UBE3C: variants seen among roughly 807,000 people sequenced by gnomAD.
UBE3C encodes ubiquitin protein ligase E3C, also known as ubiquitin-protein ligase E3C.
In UBE3C, 42 loss-of-function variants were observed where a neutral mutation model predicts 129.4. The observed-to-expected ratio is 0.32, with a 90% CI of 0.25 to 0.42. The LOEUF (loss-of-function observed/expected upper bound fraction) is 0.42, where lower values mean the gene tolerates loss of function less well. Among genes scored for constraint, UBE3C ranks in the 10% least tolerant of loss-of-function variants. The probability of loss-of-function intolerance (pLI) is 1.00; values close to 1 mark genes in which losing one functional copy is unlikely to be tolerated. For missense variants in UBE3C, 1,049 were observed against 1,319.1 expected, an observed-to-expected ratio of 0.80 and a Z score of 3.17; for synonymous variants, 510 against 492.4, an observed-to-expected ratio of 1.04 and a Z score of -0.47.
At chr7:157,243,873 G>T (rs1232576599) in intron 18 of UBE3C, among the ~76,000 whole-genome samples, 1 of 152,116 alleles carries the variant, frequency 6.6e-6, no homozygotes, top group Non-Finnish European at 1.5e-5. Context: ...ACATATAGTT[G>T]GCACTTAATA....
intron 22 of UBE3C, among the ~76,000 whole-genome samples, chr7:157,260,892 G>T (rs1030012785): frequency 6.6e-6 from 1 of 152,222 alleles, no homozygotes; most frequent in Non-Finnish European, 1.5e-5. Flanking sequence ...GCCTAGGAGT[G>T]CGAGAGCCTT....
chr7:157,225,505 T>C lies in UBE3C; in HGVS notation c.2199T>C (p.Tyr733=), dbSNP rs1302558876. 1 of 1,598,624 alleles carries C rather than the reference T, an allele frequency of 6.3e-7. No individual in the cohort carries two copies. Among genetic ancestry groups the C allele is most frequent in the South Asian group, 1.1e-5 (1 of 87,848 alleles). ...INVTIRRNYI[Y]EDAYDKLSPE... ...TCACAATAAGAAGAAATTACATTTATGAAGATGCTTATGACAAACTTTCTC... is the reference window on the plus strand; with the variant it reads ...TCACAATAAGAAGAAATTACATTTACGAAGATGCTTATGACAAACTTTCTC... Residue 733 remains tyrosine (Y), a synonymous_variant, in exon 17 of 23, where the codon TAT becomes TAC. Coordinates refer to ENST00000348165, the MANE Select transcript of UBE3C (RefSeq NM_014671.3).
At chr7:157,193,125 G>A (rs1809019865) in intron 10 of UBE3C, among the ~76,000 whole-genome samples, 1 of 152,184 alleles carries the variant, frequency 6.6e-6, no homozygotes, top group South Asian at 2.1e-4. Flanking sequence ...GCAATTTTTA[G>A]CAGCTTGTCT....
At chr7:157,153,247 G>A (rs1292195281) in intron 1 of UBE3C, among the ~76,000 whole-genome samples, 1 of 152,108 alleles carries the variant, frequency 6.6e-6, no homozygotes, top group Non-Finnish European at 1.5e-5. Context: ...TTATTTTAGA[G>A]CTGTGTGAGC....
At chr7:157,250,486 T>C (rs1309052941) in intron 19 of UBE3C, among the ~76,000 whole-genome samples, 2 of 151,644 alleles carry the variant, frequency 1.3e-5, no homozygotes, top group East Asian at 3.9e-4. Context: ...CATTCCTGGC[T>C]AATTTTTGTG....
intron 10 of UBE3C, chr7:157,198,243 C>T: frequency 7.6e-7 from 1 of 1,309,064 alleles, no homozygotes; most frequent in Non-Finnish European, 1.1e-6. Context: ...TCTGTATCCT[C>T]CACCTGTAAA....
At chr7:157,162,351 T>C (rs190515160) in intron 1 of UBE3C, among the ~76,000 whole-genome samples, 3 of 151,846 alleles carry the variant, frequency 2.0e-5, no homozygotes, top group African/African-American at 7.2e-5. Flanking sequence ...TGTGCCACCA[T>C]GCCCGGCTAA....
chr7:157,230,063 C>T (rs962304216), intron 17 of UBE3C, among the ~76,000 whole-genome samples: 1 of 151,840 alleles, frequency 6.6e-6, no homozygotes, highest in Non-Finnish European at 1.5e-5. Context: ...CATGTGCCAC[C>T]TTGCCTGGCT....
intron 19 of UBE3C, among the ~76,000 whole-genome samples, chr7:157,252,355 T>C (rs1796640657): frequency 1.3e-5 from 2 of 152,196 alleles, no homozygotes; most frequent in Non-Finnish European, 2.9e-5. Flanking sequence ...GGTTAACAGA[T>C]GGACTGTCAG....
intron 1 of UBE3C, 103 bp downstream of exon 1, chr7:157,139,441 C>A: frequency 2.8e-6 from 1 of 360,030 alleles, no homozygotes; most frequent in Non-Finnish European, 4.3e-6. Context: ...GGGGCCGAGA[C>A]TTGGGGCTGG....
At chr7:157,185,430 T>C (rs947598381) in intron 9 of UBE3C, among the ~76,000 whole-genome samples, 2 of 152,260 alleles carry the variant, frequency 1.3e-5, no homozygotes, top group African/African-American at 4.8e-5. Flanking sequence ...CTTTATACTT[T>C]AATTTTCCTT....
intron 10 of UBE3C, chr7:157,192,778 A>G (rs938019304): frequency 2.3e-6 from 3 of 1,299,722 alleles, no homozygotes; most frequent in South Asian, 2.4e-5. Context: ...TTTGACAGAC[A>G]TTATTGTGGC....
At chr7:157,170,274 A>G in intron 3 of UBE3C, 30 bp from the exon 4 acceptor site, 1 of 1,444,730 alleles carries the variant, frequency 6.9e-7, no homozygotes, top group Non-Finnish European at 9.1e-7. Flanking sequence ...TACTATATTT[A>G]TGGGTCATTT....
chr7:157,254,741 A>G (rs896014123), intron 21 of UBE3C, among the ~76,000 whole-genome samples: 2 of 151,808 alleles, frequency 1.3e-5, no homozygotes, highest in East Asian at 1.9e-4. Flanking sequence ...GGTAATGTAC[A>G]TGGTTCAAAA....
At chr7:157,264,258 CCT>C (rs1319880842) in intron 22 of UBE3C, among the ~76,000 whole-genome samples, 2 of 136,174 alleles carry the variant, frequency 1.5e-5, no homozygotes, top group African/African-American at 5.7e-5. Flanking sequence ...CACACACACA[CCT>C]GGTACTACAG....
At chr7:157,180,295 C>T (rs1358584417) in intron 6 of UBE3C, among the ~76,000 whole-genome samples, 2 of 152,158 alleles carry the variant, frequency 1.3e-5, no homozygotes, top group Non-Finnish European at 2.9e-5. Context: ...TCAGTAAGTA[C>T]ATTGTTAGTT....
intron 13 of UBE3C, among the ~76,000 whole-genome samples, chr7:157,208,382 C>A (rs967777280): frequency 4.7e-5 from 7 of 150,156 alleles, no homozygotes; most frequent in South Asian, 2.1e-4. Flanking sequence ...GGCCTATATA[C>A]CTTTTTAATT....
At position 157,268,555 on chromosome 7, in the gene UBE3C, G is replaced by A. The variant is rs1403627389; in HGVS notation, c.*800G>A. Reference sequence around the variant, plus strand: ...AGTTACTTGGGGGAGGACAGACACTGTGGTGTCATTAAAGTTGTTTGAACC... The same window carrying A: ...AGTTACTTGGGGGAGGACAGACACTATGGTGTCATTAAAGTTGTTTGAACC... On this transcript the variant is annotated 3_prime_UTR_variant, in exon 23 of 23. Coordinates refer to ENST00000348165, the MANE Select transcript of UBE3C (RefSeq NM_014671.3). 6.6e-6 allele frequency: 1 copy of A among 152,654 alleles called. No individual in the cohort carries two copies. Among genetic ancestry groups the A allele is most frequent in the African/African-American group, 2.4e-5 (1 of 41,462 alleles). 9.5% of individuals were successfully genotyped at this position (152,654 alleles called of 1,614,324 possible).
chr7:157,229,573 T>G (rs1293000089), intron 17 of UBE3C, among the ~76,000 whole-genome samples: 1 of 152,192 alleles, frequency 6.6e-6, no homozygotes, highest in East Asian at 1.9e-4. Flanking sequence ...TGCCTTGGCC[T>G]CCCAAAGTGC....
Sources: allele counts gnomAD v4.1 joint callset (sites outside exome capture counted in the v4.1 genomes callset), GRCh38; gene constraint gnomAD v4.1.1; transcripts MANE v1.5; gene names NCBI Gene and HGNC (gene_info 2026-07-23, HGNC 2026-07-21).